ME1: variants seen among roughly 807,000 people sequenced by gnomAD.
ME1 encodes the protein malic enzyme 1, also known as NADP-dependent malic enzyme.
A neutral mutation model predicts 66.4 loss-of-function variants in ME1; 74 were observed. The observed-to-expected ratio is 1.11, with a 90% CI of 0.92 to 1.35. The LOEUF (loss-of-function observed/expected upper bound fraction) is 1.35, where lower values mean the gene tolerates loss of function less well. Among genes scored for constraint, ME1 ranks in the 40% most tolerant of loss-of-function variants. The pLI is 0.00. For missense variants in ME1, 750 were observed against 694.1 expected (o/e 1.08, Z -0.90); for synonymous variants, 251 against 235.6 (o/e 1.07, Z -0.60).
At position 83,367,551 on chromosome 6, in the gene ME1, C is replaced by G. The variant is rs184663770; in HGVS notation, c.363-15412G>C. 1.3e-3 allele frequency among the ~76,000 whole-genome samples: 198 copies of G among 152,334 alleles called. 1 individual carries two copies. Among genetic ancestry groups the G allele is most frequent in the African/African-American group, 3.6e-3 (150 of 41,582 alleles). ...AGATCTGGATAACTTGCTGTAGCTT[C>G]TCCCTTAGCACTTGCTTCTTCATCT... On this transcript the variant is annotated intron_variant, in intron 3 of 13. Coordinates refer to ENST00000369705, the MANE Select transcript of ME1 (RefSeq NM_002395.6).
intron 11 of ME1, among the ~76,000 whole-genome samples, chr6:83,226,301 T>C (rs538804870): frequency 4.6e-5 from 7 of 152,210 alleles, no homozygotes; most frequent in Non-Finnish European, 1.0e-4. Flanking sequence ...ATGTGTGTTA[T>C]AGATAAGTCT....
intron 6 of ME1, among the ~76,000 whole-genome samples, chr6:83,255,950 A>G (rs1766760834): frequency 6.6e-6 from 1 of 152,186 alleles, no homozygotes; most frequent in Admixed American, 6.6e-5. Context: ...TTACTAATCT[A>G]TCAAGAAAAA....
At chr6:83,374,609 C>T (rs1769253950) in intron 3 of ME1, among the ~76,000 whole-genome samples, 1 of 152,156 alleles carries the variant, frequency 6.6e-6, no homozygotes, top group African/African-American at 2.4e-5. Flanking sequence ...AAGTAGATCC[C>T]ATTTGTCAAT....
chr6:83,352,583 CAT>C (rs1415652487), intron 3 of ME1, among the ~76,000 whole-genome samples: 2 of 152,034 alleles, frequency 1.3e-5, no homozygotes, highest in East Asian at 1.9e-4. Flanking sequence ...AAGATGAGAA[CAT>C]GTGTTAGAGA....
At chr6:83,228,425 G>A (rs983715252) in intron 10 of ME1, among the ~76,000 whole-genome samples, 1 of 152,136 alleles carries the variant, frequency 6.6e-6, no homozygotes, top group Non-Finnish European at 1.5e-5. Flanking sequence ...CTATCTGCTA[G>A]ATGTCAGTAG....
intron 2 of ME1, among the ~76,000 whole-genome samples, chr6:83,405,849 G>C (rs889734373): frequency 6.7e-6 from 1 of 149,968 alleles, no homozygotes; most frequent in African/African-American, 2.5e-5. Flanking sequence ...AGCCTCCCAA[G>C]TAGCTGGGAC....
At chr6:83,229,131 G>A in intron 9 of ME1, 200 bp from the exon 10 acceptor site, 2 of 607,750 alleles carry the variant, frequency 3.3e-6, no homozygotes, top group Non-Finnish European at 5.9e-6. Flanking sequence ...AATGTTCTAG[G>A]CAATGGAGAT....
At chr6:83,328,071 G>A (rs1161833326) in intron 5 of ME1, among the ~76,000 whole-genome samples, 1 of 152,140 alleles carries the variant, frequency 6.6e-6, no homozygotes, top group East Asian at 1.9e-4. Context: ...CAATCCAAAT[G>A]CCCATCAATG....
chr6:83,230,504 T>C (rs960725561), intron 9 of ME1, among the ~76,000 whole-genome samples: 2 of 152,186 alleles, frequency 1.3e-5, no homozygotes, highest in Admixed American at 6.5e-5. Flanking sequence ...ATGTAATGCA[T>C]GTAAAACACT....
intron 3 of ME1, among the ~76,000 whole-genome samples, chr6:83,359,958 G>A (rs1455486852): frequency 6.6e-6 from 1 of 152,198 alleles, no homozygotes; most frequent in African/African-American, 2.4e-5. Context: ...CCGTAATAGA[G>A]AGCAGAGGCA....
chr6:83,365,360 C>T (rs1384517035), intron 3 of ME1, among the ~76,000 whole-genome samples: 1 of 152,204 alleles, frequency 6.6e-6, no homozygotes, highest in Non-Finnish European at 1.5e-5. Context: ...TCCCAAAGTG[C>T]TGGGATTACA....
intron 3 of ME1, chr6:83,393,175 C>T (rs2128550057): frequency 8.9e-6 from 11 of 1,240,448 alleles, no homozygotes; most frequent in Non-Finnish European, 1.3e-5. Context: ...TATGATGACA[C>T]CAAGAAGGTG....
intron 3 of ME1, among the ~76,000 whole-genome samples, chr6:83,372,659 G>A (rs1769210737): frequency 6.6e-6 from 1 of 152,176 alleles, no homozygotes; most frequent in South Asian, 2.1e-4. Context: ...GGTAAGGCCT[G>A]CTAACGTGTG....
At chr6:83,225,944 CAT>C (rs1184353930) in intron 11 of ME1, among the ~76,000 whole-genome samples, 1 of 151,424 alleles carries the variant, frequency 6.6e-6, no homozygotes, top group Non-Finnish European at 1.5e-5. Flanking sequence ...TAAATATTCT[CAT>C]ATATATATGT....
intron 3 of ME1, among the ~76,000 whole-genome samples, chr6:83,391,537 T>G (rs1219416759): frequency 6.6e-6 from 1 of 152,156 alleles, no homozygotes; most frequent in African/African-American, 2.4e-5. Flanking sequence ...GCAACCAGAA[T>G]GCTCTTTTTA....
At chr6:83,225,179 C>G (rs1471879117) in intron 11 of ME1, among the ~76,000 whole-genome samples, 7 of 133,696 alleles carry the variant, frequency 5.2e-5, no homozygotes, top group Middle Eastern at 9.2e-3. Context: ...GCACTCCAGC[C>G]TGGGTGACAG....
At position 83,245,954 on chromosome 6, in the gene ME1, G is replaced by A. The variant is rs569117423; in HGVS notation, c.815-6318C>T. On this transcript the variant is annotated intron_variant, in intron 7 of 13. Transcript: ENST00000369705. ...AGAATATTAATTGTAAGTCTTAAATGAGTATTAACTCAGAAAAATCTATGA... is the reference window on the plus strand; with the variant it reads ...AGAATATTAATTGTAAGTCTTAAATAAGTATTAACTCAGAAAAATCTATGA... Among the ~76,000 whole-genome samples the A allele has an allele frequency of 3.3e-5, 5 of 152,236 alleles. No homozygotes were observed. The East Asian group carries it at 7.7e-4, about 23-fold the overall frequency.
intron 5 of ME1, among the ~76,000 whole-genome samples, chr6:83,330,781 A>G (rs1742869834): frequency 6.6e-6 from 1 of 152,190 alleles, no homozygotes; most frequent in African/African-American, 2.4e-5. Context: ...GTAGTGTCTC[A>G]GGAAACAGAT....
At chr6:83,291,696 T>A (rs1180751979) in intron 6 of ME1, among the ~76,000 whole-genome samples, 1 of 152,204 alleles carries the variant, frequency 6.6e-6, no homozygotes, top group Non-Finnish European at 1.5e-5. Flanking sequence ...TTCTCCTGCA[T>A]AATATCCTGA....
Sources: gnomAD v4.1 joint callset for allele counts (sites outside exome capture counted in the v4.1 genomes callset) on GRCh38, gnomAD v4.1.1 for gene constraint, MANE v1.5 for transcripts, NCBI Gene and HGNC (gene_info 2026-07-23, HGNC 2026-07-21) for gene names.